The following ZFHX3 variants were observed in gnomAD, a reference collection of about 807,000 sequenced individuals.
ZFHX3 encodes the protein zinc finger homeobox protein 3.
ZFHX3 carries 42 observed loss-of-function variants against 279.1 expected under a neutral mutation model. The observed-to-expected ratio is 0.15, with a 90% CI of 0.12 to 0.19. The LOEUF is 0.19. Among genes scored for constraint, ZFHX3 ranks in the 10% least tolerant of loss-of-function variants. The pLI is 1.00. For missense variants in ZFHX3, 4,981 were observed against 4,754.0 expected (o/e 1.05, Z -1.40); for synonymous variants, 2,293 against 1,957.8 (o/e 1.17, Z -4.52).
chr16:73,638,950 A>T (rs1186611615), intron 2 of ZFHX3, among the ~76,000 whole-genome samples: 1 of 152,174 alleles, frequency 6.6e-6, no homozygotes, highest in Non-Finnish European at 1.5e-5. Flanking sequence ...ATTGAGACCT[A>T]CTGAAAAGAG....
intron 1 of ZFHX3, among the ~76,000 whole-genome samples, chr16:73,756,418 G>A (rs1227604470): frequency 6.6e-6 from 1 of 152,144 alleles, no homozygotes; most frequent in Non-Finnish European, 1.5e-5. Context: ...GTGAAAGGTG[G>A]CTTTTGGTCC....
At chr16:73,030,975 C>T (rs1442308469) in intron 1 of ZFHX3, among the ~76,000 whole-genome samples, 1 of 152,224 alleles carries the variant, frequency 6.6e-6, no homozygotes, top group African/African-American at 2.4e-5. Context: ...CACACTTCTC[C>T]ACCCCTTGTG....
intron 2 of ZFHX3, among the ~76,000 whole-genome samples, chr16:73,565,229 G>A (rs1208287742): frequency 6.6e-6 from 1 of 150,970 alleles, no homozygotes; most frequent in Non-Finnish European, 1.5e-5. Context: ...ACTCTGGCCT[G>A]AGCAACAGAG....
chr16:73,057,250 C>T (rs1965575803), intron 1 of ZFHX3, among the ~76,000 whole-genome samples: 1 of 152,220 alleles, frequency 6.6e-6, no homozygotes, highest in Non-Finnish European at 1.5e-5. Context: ...AATAGCACAA[C>T]ATTGAACAAA....
At chr16:73,245,622 C>T (rs1372131723) in intron 5 of ZFHX3, among the ~76,000 whole-genome samples, 5 of 152,194 alleles carry the variant, frequency 3.3e-5, no homozygotes, top group Non-Finnish European at 7.3e-5. Flanking sequence ...GTTCCAAAGA[C>T]GTAGGGCTCC....
chr16:72,798,640 G>A lies in ZFHX3; in HGVS notation c.4042C>T (p.Pro1348Ser). Residue 1348 changes from proline to serine, a missense_variant, in exon 9 of 10, where the codon CCT becomes TCT. By Grantham distance (74) the Pro-to-Ser change is moderately conservative. Around this residue, in one of 7 missense-constraint regions of ZFHX3, gnomAD observed 1,751 missense variants for 1,770.0 expected, o/e 0.99. Transcript: ENST00000268489. ...TEQSGDLKPS[P>S]ADPGSVREDS... ...TCTCTCACAGAGCCTGGGTCAGCAGGGGATGGTTTCAAATCTCCGCTTTGC... is the reference window on the plus strand; with the variant it reads ...TCTCTCACAGAGCCTGGGTCAGCAGAGGATGGTTTCAAATCTCCGCTTTGC... The A allele has an allele frequency of 6.2e-7, 1 of 1,613,876 alleles. No homozygotes were observed. Among genetic ancestry groups the A allele is most frequent in the Non-Finnish European group, 8.5e-7 (1 of 1,179,946 alleles).
At chr16:73,060,832 A>C (rs1965674338), upstream of ZFHX3, 1 of 152,182 alleles carries the variant, frequency 6.6e-6, no homozygotes, top group Non-Finnish European at 1.5e-5. Context: ...TTTTAGAAGG[A>C]ATTTGGGAAT....
At chr16:73,099,322 C>T (rs557296015) in intron 7 of ZFHX3, 16 of 152,198 alleles carry the variant, frequency 1.1e-4, no homozygotes, top group Non-Finnish European at 2.2e-4. Context: ...TAAAATAATA[C>T]TTTACTTTGA....
At chr16:73,821,899 G>C (rs1960753220) in intron 1 of ZFHX3, among the ~76,000 whole-genome samples, 2 of 152,186 alleles carry the variant, frequency 1.3e-5, no homozygotes, top group Non-Finnish European at 2.9e-5. Flanking sequence ...TTCCCATATA[G>C]CCTAACAGCA....
chr16:73,348,261 A>G (rs1456411747), intron 3 of ZFHX3, among the ~76,000 whole-genome samples: 1 of 152,142 alleles, frequency 6.6e-6, no homozygotes, highest in Admixed American at 6.5e-5. Flanking sequence ...AACATTGGTG[A>G]GAAAATAAGT....
chr16:73,442,141 G>T (rs2018105291), intron 3 of ZFHX3, among the ~76,000 whole-genome samples: 1 of 152,110 alleles, frequency 6.6e-6, no homozygotes, highest in African/African-American at 2.4e-5. Flanking sequence ...AAATGTTAGG[G>T]AGCTGAGACA....
At chr16:73,272,723 T>A (rs185605002) in intron 4 of ZFHX3, among the ~76,000 whole-genome samples, 1 of 152,274 alleles carries the variant, frequency 6.6e-6, no homozygotes, top group Non-Finnish European at 1.5e-5. Context: ...TCAATCAATA[T>A]CAACATTTGT....
At chr16:73,093,085 C>T (rs1415050054) in intron 8 of ZFHX3, 4 of 519,970 alleles carry the variant, frequency 7.7e-6, no homozygotes, top group African/African-American at 5.8e-5. Flanking sequence ...TCCCAGAGAT[C>T]CCTTCATTCT....
rs574187877 is a variant in ZFHX3 at position 73,532,122 on chromosome 16, A to G, written c.-1546-75864T>C. On this transcript the variant is annotated intron_variant, in intron 2 of 17. Coordinates refer to the ZFHX3 transcript ENST00000641206. ...TTAAAAAAAAAAACAAAGACAGAATATTGTTATCTTAGTAGTTGATACGGT... is the reference window on the plus strand; with the variant it reads ...TTAAAAAAAAAAACAAAGACAGAATGTTGTTATCTTAGTAGTTGATACGGT... 1.9e-3 allele frequency among the ~76,000 whole-genome samples: 284 copies of G among 151,952 alleles called. 3 individuals carry two copies. Among genetic ancestry groups the G allele is most frequent in the Non-Finnish European group, 1.7e-3 (117 of 67,934 alleles).
intron 3 of ZFHX3, among the ~76,000 whole-genome samples, chr16:72,910,342 C>A (rs182275220): frequency 6.6e-6 from 1 of 152,164 alleles, no homozygotes; most frequent in African/African-American, 2.4e-5. Context: ...ATCATCCCTG[C>A]GTCATGCCAT....
At chr16:73,355,388 T>A (rs912384381) in intron 3 of ZFHX3, among the ~76,000 whole-genome samples, 1 of 152,162 alleles carries the variant, frequency 6.6e-6, no homozygotes, top group Admixed American at 6.5e-5. Context: ...TAGAACCAGA[T>A]CCTGTCCCCT....
intron 1 of ZFHX3, among the ~76,000 whole-genome samples, chr16:72,992,395 T>A (rs1000515587): frequency 1.4e-4 from 22 of 152,158 alleles, no homozygotes; most frequent in African/African-American, 4.8e-4. Context: ...GAGGGCTGTT[T>A]AGTGAGAGGA....
intron 5 of ZFHX3, among the ~76,000 whole-genome samples, chr16:73,253,213 C>T (rs1207243755): frequency 1.3e-5 from 2 of 152,114 alleles, no homozygotes; most frequent in Non-Finnish European, 2.9e-5. Flanking sequence ...ATCAAGAAAC[C>T]TACAGATACG....
chr16:73,237,969 C>T (rs978252079), intron 5 of ZFHX3, among the ~76,000 whole-genome samples: 4 of 152,168 alleles, frequency 2.6e-5, no homozygotes, highest in Admixed American at 1.3e-4. Context: ...GGGCTATCTG[C>T]TTTCATTCCT....
Sources: gnomAD v4.1 joint callset for allele counts (sites outside exome capture counted in the v4.1 genomes callset) on GRCh38, gnomAD v4.1.1 for gene constraint, gnomAD v4.1.1 regional missense constraint, MANE v1.5 for transcripts, NCBI Gene and HGNC (gene_info 2026-07-23, HGNC 2026-07-21) for gene names.